Variants in COL23A1 observed in about 807,000 individuals in gnomAD.
The protein encoded by COL23A1 is collagen alpha-1(XXIII) chain.
Under a neutral mutation model 99.3 loss-of-function variants are expected in COL23A1, and 97 were observed. That is an observed-to-expected ratio of 0.98 (90% confidence interval 0.83 to 1.16). The LOEUF (loss-of-function observed/expected upper bound fraction) is 1.16, where lower values mean the gene tolerates loss of function less well. Among genes scored for constraint, COL23A1 ranks in the 50% most tolerant of loss-of-function variants. COL23A1 has a pLI of 0.00. For missense variants in COL23A1, 762 were observed against 757.4 expected (o/e 1.01, Z -0.07); for synonymous variants, 320 against 308.2 (o/e 1.04, Z -0.40).
intron 1 of COL23A1, among the ~76,000 whole-genome samples, chr5:178,562,441 C>A (rs1163950405): frequency 6.6e-6 from 1 of 150,802 alleles, no homozygotes; most frequent in Non-Finnish European, 1.5e-5. Flanking sequence ...GTAGTCCCAG[C>A]TTACCCCAGA....
At chr5:178,293,354 T>C (rs944433682) in intron 3 of COL23A1, among the ~76,000 whole-genome samples, 1 of 151,540 alleles carries the variant, frequency 6.6e-6, no homozygotes, top group Non-Finnish European at 1.5e-5. Flanking sequence ...GGAGGAAGAG[T>C]GCCTGGTGCT....
intron 1 of COL23A1, among the ~76,000 whole-genome samples, chr5:178,568,654 G>A (rs1762947645): frequency 1.3e-5 from 2 of 152,178 alleles, no homozygotes; most frequent in Admixed American, 6.5e-5. Flanking sequence ...TATCTATTCT[G>A]TATATTTCAC....
intron 2 of COL23A1, among the ~76,000 whole-genome samples, chr5:178,473,105 A>G (rs1287856476): frequency 3.6e-5 from 1 of 27,622 alleles, no homozygotes; most frequent in African/African-American, 9.1e-5. Context: ...CCTGGGTGAC[A>G]GAGCAAGACT....
intron 2 of COL23A1, among the ~76,000 whole-genome samples, chr5:178,402,177 A>T (rs1409537559): frequency 6.6e-6 from 1 of 152,168 alleles, no homozygotes; most frequent in East Asian, 1.9e-4. Context: ...TAGAATAATG[A>T]TAGCAATAAG....
chr5:178,242,089 G>A lies in COL23A1; in HGVS notation c.1534C>T (p.Gln512Ter), dbSNP rs758803756. Residue 512 changes from glutamine (Q) to a stop codon, truncating the protein, a stop_gained, in exon 27 of 29, where the codon CAG (glutamine) becomes TAG (stop). Transcript: ENST00000390654. LOFTEE classifies it high-confidence loss of function. ...CCTGGTGGTCCCGGCTCGCCCTTCTGGCCCTTCACTCCTTTCCGGCCGGGG... is the reference window on the plus strand; with the variant it reads ...CCTGGTGGTCCCGGCTCGCCCTTCTAGCCCTTCACTCCTTTCCGGCCGGGG... ...GVPGRKGVKG[Q>*]KGEPGPPGLD... The A allele has an allele frequency of 4.5e-6, 7 of 1,553,862 alleles. No individual in the cohort carries two copies. In the African/African-American group the frequency reaches 5.5e-5, roughly 12 times the overall value.
intron 2 of COL23A1, among the ~76,000 whole-genome samples, chr5:178,400,029 G>T (rs1309609603): frequency 6.6e-6 from 1 of 152,138 alleles, no homozygotes; most frequent in Non-Finnish European, 1.5e-5. Flanking sequence ...AACAGTCGGA[G>T]CCCAATTGGA....
At chr5:178,250,370 C>A (rs940733156) in intron 17 of COL23A1, among the ~76,000 whole-genome samples, 88 of 152,300 alleles carry the variant, frequency 5.8e-4, no homozygotes, top group Non-Finnish European at 1.5e-4. Flanking sequence ...GGTCACAGAG[C>A]CCAGGAACAA....
At chr5:178,254,818 G>T in intron 16 of COL23A1, 131 bp downstream of exon 16, 1 of 749,434 alleles carries the variant, frequency 1.3e-6, no homozygotes, top group Non-Finnish European at 2.3e-6. Flanking sequence ...CCTAGTAACA[G>T]CCGGGGTCTT....
intron 2 of COL23A1, among the ~76,000 whole-genome samples, chr5:178,474,294 G>C (rs558623373): frequency 3.7e-4 from 57 of 152,270 alleles, no homozygotes; most frequent in Admixed American, 2.7e-3. Context: ...TTCTTTCCTT[G>C]TTTTCAGTGA....
intron 2 of COL23A1, among the ~76,000 whole-genome samples, chr5:178,317,802 A>C (rs1259967054): frequency 6.6e-6 from 1 of 152,236 alleles, no homozygotes; most frequent in Non-Finnish European, 1.5e-5. Context: ...TAATGGACTC[A>C]TGTGGCTGAG....
At chr5:178,511,183 T>C (rs1475172275) in intron 2 of COL23A1, among the ~76,000 whole-genome samples, 1 of 152,214 alleles carries the variant, frequency 6.6e-6, no homozygotes, top group Admixed American at 6.5e-5. Context: ...CGTTCTTTAG[T>C]GACACCAAAA....
In COL23A1 at chr5:178,265,672, T is replaced by C. The variant is rs543540242; in HGVS notation, c.522+1635A>G. 1,514 of 985,766 alleles carry C rather than the reference T, an allele frequency of 1.5e-3. 2 individuals carry two copies. Among genetic ancestry groups the C allele is most frequent in the Non-Finnish European group, 1.8e-3 (1,458 of 829,940 alleles). The allele number at this position is 985,766 out of a possible 1,614,324, so 61.1% of individuals were successfully genotyped here. ...CAGTCTACCTTGAGGATCCGGCGATTGTACAGGTGATGGTCTCTACTTATA... is the reference window on the plus strand; with the variant it reads ...CAGTCTACCTTGAGGATCCGGCGATCGTACAGGTGATGGTCTCTACTTATA... On this transcript the variant is annotated intron_variant, in intron 8 of 28. Coordinates refer to ENST00000390654, the MANE Select transcript of COL23A1 (RefSeq NM_173465.4).
At chr5:178,549,388 T>G (rs1212463795) in intron 2 of COL23A1, among the ~76,000 whole-genome samples, 1 of 152,046 alleles carries the variant, frequency 6.6e-6, no homozygotes, top group East Asian at 1.9e-4. Context: ...TATATTGCCA[T>G]GGTACACATA....
In COL23A1 at chr5:178,384,740, T is replaced by C. The variant is rs1290980648; in HGVS notation, c.362-77821A>G. On this transcript the variant is annotated intron_variant, in intron 2 of 28. Transcript: ENST00000390654. The surrounding 1 kb of genome is among the most constrained non-coding windows in gnomAD (Gnocchi z 5.5). ...AGAGTGCGCGCTCACAGGGTGCACA[T>C]ATAACAGCCACCACGACCCTTGTAC... is the stretch of plus-strand genomic sequence containing the variant. Among the ~76,000 whole-genome samples the C allele has an allele frequency of 6.6e-6, 1 of 152,164 alleles. No homozygotes were observed. The highest frequency in any genetic ancestry group is 1.5e-5 in the Non-Finnish European group (1 of 68,028).
intron 2 of COL23A1, chr5:178,345,283 T>A (rs1661188827): frequency 1.5e-6 from 1 of 660,360 alleles, no homozygotes; most frequent in Non-Finnish European, 2.7e-6. Flanking sequence ...GTGCCAGTAA[T>A]CTGCCCCCTA....
At chr5:178,486,413 C>A (rs1023562437) in intron 2 of COL23A1, among the ~76,000 whole-genome samples, 1 of 152,096 alleles carries the variant, frequency 6.6e-6, no homozygotes, top group African/African-American at 2.4e-5. Flanking sequence ...GAGGGTGAAC[C>A]GTGATGAGAA....
intron 1 of COL23A1, among the ~76,000 whole-genome samples, chr5:178,588,491 A>G (rs1186833140): frequency 2.6e-5 from 4 of 152,238 alleles, no homozygotes; most frequent in Admixed American, 2.0e-4. Context: ...CTATAAATCA[A>G]TTCAACACCC....
chr5:178,418,251 T>C (rs1765417190), intron 2 of COL23A1, among the ~76,000 whole-genome samples: 1 of 152,256 alleles, frequency 6.6e-6, no homozygotes, highest in South Asian at 2.1e-4. Flanking sequence ...TGAGACTGTA[T>C]GTATTCTTTG....
intron 6 of COL23A1, among the ~76,000 whole-genome samples, chr5:178,269,090 T>A (rs1269624203): frequency 6.6e-6 from 1 of 152,106 alleles, no homozygotes; most frequent in Non-Finnish European, 1.5e-5. Flanking sequence ...ACCCGCCCTG[T>A]CATTGTCAGT....
Sources: gnomAD v4.1 joint callset for allele counts (sites outside exome capture counted in the v4.1 genomes callset) on GRCh38, gnomAD v4.1.1 for gene constraint, Gnocchi (gnomAD v3.1) non-coding constraint, MANE v1.5 for transcripts, NCBI Gene and HGNC (gene_info 2026-07-23, HGNC 2026-07-21) for gene names.